Variants in TRAPPC9 observed in about 807,000 individuals in gnomAD.
TRAPPC9 encodes the protein trafficking protein particle complex subunit 9, also known as IKK2 binding protein.
A neutral mutation model predicts 124.0 loss-of-function variants in TRAPPC9; 83 were observed. The ratio of observed to expected loss-of-function variants is 0.67; its 90% CI spans 0.56 to 0.80. The LOEUF is 0.80. TRAPPC9 is among the 30% of genes least tolerant of loss of function. The pLI, the probability that TRAPPC9 is intolerant of heterozygous loss-of-function variation, is 0.00. For missense variants in TRAPPC9, 1,302 were observed against 1,508.3 expected (o/e 0.86, Z 2.27); for synonymous variants, 638 against 617.5 (o/e 1.03, Z -0.49).
chr8:139,901,934 T>C (rs999214319), intron 20 of TRAPPC9, among the ~76,000 whole-genome samples: 2 of 152,178 alleles, frequency 1.3e-5, no homozygotes, highest in African/African-American at 2.4e-5. Flanking sequence ...TCTGTATAAA[T>C]TGCCCAGAAC....
chr8:140,236,783 A>T (rs553067784), intron 16 of TRAPPC9, among the ~76,000 whole-genome samples: 1 of 152,350 alleles, frequency 6.6e-6, no homozygotes, highest in East Asian at 1.9e-4. Context: ...AGGAAGACTA[A>T]CCACCATAAA....
intron 17 of TRAPPC9, among the ~76,000 whole-genome samples, chr8:140,089,822 G>A (rs903885665): frequency 3.3e-5 from 5 of 152,018 alleles, no homozygotes; most frequent in Non-Finnish European, 5.9e-5. Context: ...GCTCACACCT[G>A]TAATCCCAAC....
intron 19 of TRAPPC9, among the ~76,000 whole-genome samples, chr8:139,923,941 C>T (rs1169989488): frequency 6.6e-6 from 1 of 152,018 alleles, no homozygotes; most frequent in Non-Finnish European, 1.5e-5. Context: ...CTCATTTTCC[C>T]TAGATTAAAG....
chr8:140,403,128 A>G (rs2069339904), intron 6 of TRAPPC9, among the ~76,000 whole-genome samples: 1 of 152,184 alleles, frequency 6.6e-6, no homozygotes, highest in African/African-American at 2.4e-5. Flanking sequence ...TTCTATCATT[A>G]AGAAAGTATT....
chr8:140,230,349 C>T (rs951067903), intron 16 of TRAPPC9, among the ~76,000 whole-genome samples: 3 of 152,182 alleles, frequency 2.0e-5, no homozygotes, highest in African/African-American at 7.2e-5. Context: ...TGGCTCATGC[C>T]TGTAATCCCA....
chr8:140,255,569 G>T (rs2064233275), intron 15 of TRAPPC9, among the ~76,000 whole-genome samples: 1 of 152,220 alleles, frequency 6.6e-6, no homozygotes, highest in African/African-American at 2.4e-5. Flanking sequence ...TCTGAGGAAT[G>T]AATCCCTACA....
intron 20 of TRAPPC9, among the ~76,000 whole-genome samples, chr8:139,906,232 C>G (rs1429219823): frequency 1.3e-5 from 2 of 152,252 alleles, no homozygotes; most frequent in African/African-American, 4.8e-5. Flanking sequence ...GCCACCTCCC[C>G]AACAACAGGT....
intron 21 of TRAPPC9, among the ~76,000 whole-genome samples, chr8:139,873,892 C>T (rs1329906943): frequency 6.6e-6 from 1 of 152,234 alleles, no homozygotes; most frequent in Non-Finnish European, 1.5e-5. Context: ...CACCATGGTG[C>T]CACATTCTGT....
At chr8:139,920,118 G>C (rs1469788917) in intron 19 of TRAPPC9, among the ~76,000 whole-genome samples, 2 of 152,202 alleles carry the variant, frequency 1.3e-5, no homozygotes, top group African/African-American at 4.8e-5. Context: ...GGCTAAGCCG[G>C]GCGGATCACT....
chr8:139,828,194 A>G (rs1317488462), intron 21 of TRAPPC9, among the ~76,000 whole-genome samples: 1 of 151,910 alleles, frequency 6.6e-6, no homozygotes, highest in Non-Finnish European at 1.5e-5. Context: ...TCTCCCCAGC[A>G]TGTTGCCCAG....
chr8:140,049,886 A>C (rs1000501443), intron 17 of TRAPPC9, among the ~76,000 whole-genome samples: 17 of 152,208 alleles, frequency 1.1e-4, no homozygotes, highest in Non-Finnish European at 2.2e-4. Flanking sequence ...TCAAGTGGGA[A>C]AGGCTCCTTC....
chr8:140,381,196 C>A (rs1290207966), intron 7 of TRAPPC9, among the ~76,000 whole-genome samples: 2 of 106,670 alleles, frequency 1.9e-5, no homozygotes, highest in Non-Finnish European at 3.6e-5. Flanking sequence ...CAGAGCCAAA[C>A]TCCATCTCAA....
At chr8:140,329,766 A>G (rs973504267) in intron 9 of TRAPPC9, among the ~76,000 whole-genome samples, 3 of 152,120 alleles carry the variant, frequency 2.0e-5, no homozygotes, top group African/African-American at 7.2e-5. Flanking sequence ...TATTAAGGTA[A>G]TAAGAAGCTA....
At chr8:140,193,987 G>A (rs1378430347) in intron 17 of TRAPPC9, among the ~76,000 whole-genome samples, 1 of 152,136 alleles carries the variant, frequency 6.6e-6, no homozygotes, top group Non-Finnish European at 1.5e-5. Flanking sequence ...GAAAACACAG[G>A]GTCCAGTCCC....
chr8:140,206,120 T>A (rs1392977246), intron 17 of TRAPPC9, among the ~76,000 whole-genome samples: 1 of 152,078 alleles, frequency 6.6e-6, no homozygotes, highest in East Asian at 1.9e-4. Flanking sequence ...TCCATCTAAG[T>A]CACCACATTA....
intron 10 of TRAPPC9, among the ~76,000 whole-genome samples, chr8:140,304,446 C>T (rs1037386816): frequency 6.6e-6 from 1 of 151,868 alleles, no homozygotes; most frequent in African/African-American, 2.4e-5. Context: ...GGGCATAGGA[C>T]GTTGAAGTGT....
intron 18 of TRAPPC9, among the ~76,000 whole-genome samples, chr8:140,014,609 AAC>A (rs1587495319): frequency 6.6e-6 from 1 of 152,098 alleles, no homozygotes; most frequent in African/African-American, 2.4e-5. Flanking sequence ...GCGGCAGAGA[AAC>A]ACACTCCTCC....
rs777519054 is a variant in TRAPPC9 at position 139,728,244 on chromosome 8, T to C, written c.*2817A>G. ...CTTGTGAATTTCAGATGACGGAGCA[T>C]GACGGCTGCATGATTATGGGGTCAC... On this transcript the variant is annotated 3_prime_UTR_variant, in exon 23 of 23. Coordinates refer to ENST00000438773, the MANE Select transcript of TRAPPC9 (RefSeq NM_001160372.4). 1.3e-5 allele frequency among the ~76,000 whole-genome samples: 2 copies of C among 152,180 alleles called. No individual in the cohort carries two copies. The highest frequency in any genetic ancestry group is 2.4e-5 in the African/African-American group (1 of 41,452).
intron 19 of TRAPPC9, among the ~76,000 whole-genome samples, chr8:139,983,819 G>A (rs186432635): frequency 3.4e-4 from 52 of 152,266 alleles, no homozygotes; most frequent in African/African-American, 1.2e-3. Context: ...TCTCCCCTTG[G>A]TGTGTGGAGC....
Sources: gnomAD v4.1 joint callset for allele counts (sites outside exome capture counted in the v4.1 genomes callset) on GRCh38, gnomAD v4.1.1 for gene constraint, MANE v1.5 for transcripts, NCBI Gene and HGNC (gene_info 2026-07-23, HGNC 2026-07-21) for gene names.